The following NELL1 variants were observed in gnomAD, a reference collection of about 807,000 sequenced individuals.
The protein encoded by NELL1 is neural EGFL like 1, also known as protein kinase C-binding protein NELL1.
In NELL1, 76 loss-of-function variants were observed where a neutral mutation model predicts 107.4. The observed-to-expected ratio is 0.71, with a 90% CI of 0.59 to 0.86. The LOEUF is 0.86. NELL1 is among the 40% of genes least tolerant of loss of function. The pLI is 0.00. For missense variants in NELL1, 1,024 were observed against 1,005.5 expected (o/e 1.02, Z -0.25); for synonymous variants, 353 against 341.2 (o/e 1.03, Z -0.38).
rs1168969124 is a variant in NELL1 at position 20,778,406 on chromosome 11, GA to G, written c.185-5271del. Among the ~76,000 whole-genome samples the G allele has an allele frequency of 1.8e-4, 27 of 151,778 alleles. 1 individual carries two copies. The highest frequency in any genetic ancestry group is 6.3e-4 in the African/African-American group (26 of 41,346). On this transcript the variant is annotated intron_variant, in intron 2 of 19. Transcript: ENST00000357134. ...CTCACTCTATACATCAGGGAAGAGG[GA>G]AATGAAGTTGCTTCTATTTGAGGCA...
chr11:21,159,704 A>G (rs901955666), intron 13 of NELL1, among the ~76,000 whole-genome samples: 1 of 152,204 alleles, frequency 6.6e-6, no homozygotes. Context: ...TTTGGAATCT[A>G]CACTGCAAAG....
chr11:21,457,692 G>T (rs10766816), intron 15 of NELL1, among the ~76,000 whole-genome samples: 129,632 of 152,122 alleles, frequency 0.85, 55,372 homozygotes, highest in East Asian at 0.98. Context: ...TACTAAAATA[G>T]AGTTTGGAGA....
chr11:20,970,180 G>A (rs1211448710), intron 12 of NELL1, among the ~76,000 whole-genome samples: 3 of 151,856 alleles, frequency 2.0e-5, no homozygotes, highest in Non-Finnish European at 4.4e-5. Context: ...TATAAAAGTG[G>A]GGCTTCTGTG....
At chr11:21,216,851 G>A (rs1444753932) in intron 13 of NELL1, among the ~76,000 whole-genome samples, 1 of 152,152 alleles carries the variant, frequency 6.6e-6, no homozygotes, top group Non-Finnish European at 1.5e-5. Flanking sequence ...GTGCTAGAAT[G>A]AGTTAGGACT....
chr11:20,921,072 A>C (rs985974660), intron 7 of NELL1, among the ~76,000 whole-genome samples: 6 of 152,100 alleles, frequency 3.9e-5, no homozygotes, highest in Admixed American at 3.9e-4. Flanking sequence ...CCAGCTAGTA[A>C]ATTTTGGGCC....
chr11:20,786,035 ATTTT>A (rs34120722), intron 3 of NELL1, among the ~76,000 whole-genome samples: 22 of 144,084 alleles, frequency 1.5e-4, no homozygotes, highest in Admixed American at 2.1e-4. Context: ...AAACTTCAGA[ATTTT>A]TTTTTTTTTT....
chr11:21,096,914 G>C (rs1854657181), intron 12 of NELL1, among the ~76,000 whole-genome samples: 1 of 151,874 alleles, frequency 6.6e-6, no homozygotes, highest in Admixed American at 6.6e-5. Flanking sequence ...GACGGGTTTT[G>C]TTGTGTTGTC....
chr11:21,109,189 TA>T lies in NELL1; in HGVS notation c.1301-4399del, dbSNP rs1204981877. Among the ~76,000 whole-genome samples, 3 of 152,070 alleles carry T rather than the reference TA, an allele frequency of 2.0e-5. No homozygotes were observed. In the South Asian group the frequency reaches 6.2e-4, roughly 32 times the overall value. The stretch of plus-strand genomic sequence containing the variant: ...GATGAGATGCTCCATATAAAGTATC[TA>T]GCATAGTGTCTGATACCTAAAAAAC... On this transcript the variant is annotated intron_variant, in intron 12 of 19. Coordinates refer to ENST00000357134, the MANE Select transcript of NELL1 (RefSeq NM_006157.5).
chr11:20,901,166 A>G (rs1459186982), intron 5 of NELL1, among the ~76,000 whole-genome samples: 2 of 152,114 alleles, frequency 1.3e-5, no homozygotes, highest in African/African-American at 2.4e-5. Context: ...AAAAGTAGTT[A>G]TTAACTTATA....
rs139036240 is a variant in NELL1, at chr11:20,700,376, G to T, written c.184+22316G>T. 7.1e-3 allele frequency among the ~76,000 whole-genome samples: 1,081 copies of T among 152,214 alleles called. 8 individuals carry two copies. The highest frequency in any genetic ancestry group is 0.025 in the African/African-American group (1,032 of 41,528). The stretch of plus-strand genomic sequence containing the variant: ...TGCCTGTAGTCCTAGCTACTCGGGA[G>T]GCTGAGGCAGGAGAATTGCTTGAAC... On this transcript the variant is annotated intron_variant, in intron 2 of 19. Transcript: ENST00000357134.
intron 15 of NELL1, among the ~76,000 whole-genome samples, chr11:21,468,359 A>G (rs1854082494): frequency 6.6e-6 from 1 of 152,018 alleles, no homozygotes; most frequent in Non-Finnish European, 1.5e-5. Context: ...CCTTAGTTAT[A>G]TTAATATCAG....
At chr11:21,267,354 A>G (rs1848655122) in intron 14 of NELL1, among the ~76,000 whole-genome samples, 1 of 152,102 alleles carries the variant, frequency 6.6e-6, no homozygotes, top group Non-Finnish European at 1.5e-5. Flanking sequence ...TCCTTGTATT[A>G]CCTGTGGGGG....
chr11:20,829,383 C>T (rs1857956044), intron 3 of NELL1, among the ~76,000 whole-genome samples: 1 of 152,030 alleles, frequency 6.6e-6, no homozygotes, highest in Non-Finnish European at 1.5e-5. Flanking sequence ...CCCGCCACCA[C>T]ACCTGGCTAA....
chr11:21,389,742 A>G (rs1851825985), intron 15 of NELL1, among the ~76,000 whole-genome samples: 1 of 151,702 alleles, frequency 6.6e-6, no homozygotes, highest in Non-Finnish European at 1.5e-5. Flanking sequence ...TCATGCTGTG[A>G]ATTGGTTGTA....
chr11:21,298,316 T>G (rs1396084531), intron 14 of NELL1, among the ~76,000 whole-genome samples: 1 of 152,028 alleles, frequency 6.6e-6, no homozygotes. Flanking sequence ...TCTATCTCAA[T>G]GTCAGTTTCT....
intron 15 of NELL1, among the ~76,000 whole-genome samples, chr11:21,425,288 C>CAA (rs5790185): frequency 6.4e-4 from 97 of 150,438 alleles, no homozygotes; most frequent in African/African-American, 2.1e-3. Context: ...TGTGAATAGC[C>CAA]AAAAAAAAAT....
intron 14 of NELL1, among the ~76,000 whole-genome samples, chr11:21,259,861 T>C (rs1858861433): frequency 6.6e-6 from 1 of 151,980 alleles, no homozygotes; most frequent in South Asian, 2.1e-4. Flanking sequence ...TTAAGTTGAA[T>C]TTAAATAGAG....
chr11:21,532,850 G>A (rs796078043), intron 15 of NELL1, among the ~76,000 whole-genome samples: 22 of 152,302 alleles, frequency 1.4e-4, no homozygotes, highest in African/African-American at 5.1e-4. Flanking sequence ...CCCTCCAGGA[G>A]CCACAGCCCT....
chr11:21,536,110 T>G (rs1473822907), intron 16 of NELL1, among the ~76,000 whole-genome samples: 2 of 152,130 alleles, frequency 1.3e-5, no homozygotes, highest in African/African-American at 4.8e-5. Flanking sequence ...TATTTATTAT[T>G]TTTTCTACTT....
Sources: allele counts gnomAD v4.1 joint callset (sites outside exome capture counted in the v4.1 genomes callset), GRCh38; gene constraint gnomAD v4.1.1; transcripts MANE v1.5; gene names NCBI Gene and HGNC (gene_info 2026-07-23, HGNC 2026-07-21).